Variants in NRXN1 observed in about 807,000 individuals in gnomAD.
The protein encoded by NRXN1 is neurexin-1.
Under a neutral mutation model 150.9 loss-of-function variants are expected in NRXN1, and 39 were observed. That is an observed-to-expected ratio of 0.26 (90% CI 0.20 to 0.34). The LOEUF (loss-of-function observed/expected upper bound fraction) is 0.34. NRXN1 is among the 10% of genes least tolerant of loss of function. The probability of loss-of-function intolerance (pLI) is 1.00; values close to 1 mark genes in which losing one functional copy is unlikely to be tolerated. For missense variants in NRXN1, 1,815 were observed against 1,949.9 expected, an observed-to-expected ratio of 0.93 and a Z score of 1.30; for synonymous variants, 924 against 757.0, an observed-to-expected ratio of 1.22 and a Z score of -3.62.
At position 50,497,375 on chromosome 2, in the gene NRXN1, C is replaced by T. The variant is rs201337797; in HGVS notation, c.2837G>A (p.Ser946Asn). 1 of 1,565,906 alleles carries T rather than the reference C, an allele frequency of 6.4e-7. No homozygotes were observed. Among genetic ancestry groups the T allele is most frequent in the African/African-American group, 1.4e-5 (1 of 74,006 alleles). Residue 946 changes from serine to asparagine, a missense_variant, in exon 14 of 23, where the codon AGT becomes AAT. By Grantham distance (46) the Ser-to-Asn change is conservative (BLOSUM62 1). Around this residue, in one of 6 missense-constraint regions of NRXN1, gnomAD observed 339 missense variants for 440.3 expected, o/e 0.77. Transcript: ENST00000401669. ...TSLDGLILYN[S>N]GDGNDFIVVE... ...CACAATAAAGTCATTTCCATCCCCA[C>T]TGTTATATAGAATTAATCCATCTAG... is the stretch of plus-strand genomic sequence containing the variant.
At chr2:50,921,806 T>A in intron 5 of NRXN1, 63 bp downstream of exon 5, 1 of 781,258 alleles carries the variant, frequency 1.3e-6, no homozygotes, top group South Asian at 3.7e-5. Context: ...AATACATTTA[T>A]GTAACTCAGA....
intron 18 of NRXN1, among the ~76,000 whole-genome samples, chr2:50,204,608 T>C (rs549435270): frequency 6.6e-6 from 1 of 152,190 alleles, no homozygotes; most frequent in Admixed American, 6.6e-5. Context: ...TTTAGTTGTG[T>C]GTTGTGTATA....
chr2:49,994,889 C>T (rs1231876851), intron 21 of NRXN1, among the ~76,000 whole-genome samples: 1 of 152,216 alleles, frequency 6.6e-6, no homozygotes, highest in Non-Finnish European at 1.5e-5. Context: ...GGAAAAATCA[C>T]TGAAGTGTGA....
chr2:50,878,758 A>T (rs1298589436), intron 5 of NRXN1, among the ~76,000 whole-genome samples: 1 of 151,938 alleles, frequency 6.6e-6, no homozygotes, highest in Non-Finnish European at 1.5e-5. Flanking sequence ...TTGGGGAAAA[A>T]GCTTATAATT....
intron 8 of NRXN1, among the ~76,000 whole-genome samples, chr2:50,598,001 T>C (rs1025982703): frequency 3.9e-5 from 6 of 152,020 alleles, no homozygotes; most frequent in African/African-American, 9.7e-5. Flanking sequence ...TACCCGGGCA[T>C]GGTGGCAGGC....
intron 5 of NRXN1, among the ~76,000 whole-genome samples, chr2:50,837,062 C>T (rs892981550): frequency 5.9e-5 from 9 of 152,056 alleles, no homozygotes; most frequent in African/African-American, 2.2e-4. Context: ...CTCAGTTAGA[C>T]TTTGCTCTTT....
intron 17 of NRXN1, among the ~76,000 whole-genome samples, chr2:50,412,427 G>T (rs963737530): frequency 1.3e-5 from 2 of 151,856 alleles, no homozygotes; most frequent in Non-Finnish European, 2.9e-5. Flanking sequence ...TTTATAAAGG[G>T]TTATATACCA....
At chr2:50,485,321 A>C (rs928369979) in intron 15 of NRXN1, among the ~76,000 whole-genome samples, 2 of 152,216 alleles carry the variant, frequency 1.3e-5, no homozygotes, top group Admixed American at 1.3e-4. Flanking sequence ...CATTAAGGAA[A>C]TAATAAAAAT....
intron 2 of NRXN1, among the ~76,000 whole-genome samples, chr2:51,018,185 A>G (rs573940936): frequency 1.3e-5 from 2 of 152,120 alleles, no homozygotes; most frequent in African/African-American, 2.4e-5. Flanking sequence ...CATTATGTCT[A>G]TAATTAAATG....
intron 5 of NRXN1, among the ~76,000 whole-genome samples, chr2:50,782,158 C>CTATAATTTGAGTGA (rs1704434584): frequency 6.6e-6 from 1 of 152,014 alleles, no homozygotes; most frequent in African/African-American, 2.4e-5. Flanking sequence ...AGGTTTCACT[C>CTATAATTTGAGTGA]AAATTATAGG....
chr2:50,981,364 A>C, intron 2 of NRXN1, among the ~76,000 whole-genome samples: 1 of 145,992 alleles, frequency 6.8e-6, no homozygotes, highest in South Asian at 2.3e-4. Context: ...AGGCTGAGGC[A>C]GGAGAGTTAC....
chr2:50,014,425 T>C (rs905670287), intron 21 of NRXN1, among the ~76,000 whole-genome samples: 1 of 152,152 alleles, frequency 6.6e-6, no homozygotes, highest in South Asian at 2.1e-4. Flanking sequence ...AGGCAATTCT[T>C]ACTTGTGGGG....
chr2:50,499,804 T>A (rs757962548), intron 13 of NRXN1, among the ~76,000 whole-genome samples: 1 of 151,802 alleles, frequency 6.6e-6, no homozygotes, highest in Non-Finnish European at 1.5e-5. Flanking sequence ...AAAAATTAAC[T>A]GGGCGTGGTG....
At chr2:50,999,367 A>G (rs2105069660) in intron 2 of NRXN1, among the ~76,000 whole-genome samples, 1 of 152,116 alleles carries the variant, frequency 6.6e-6, no homozygotes, top group Non-Finnish European at 1.5e-5. Context: ...CTCCAAGCTT[A>G]GTTTAGAAAG....
At chr2:50,933,259 T>C (rs1004689270) in intron 2 of NRXN1, among the ~76,000 whole-genome samples, 1 of 152,100 alleles carries the variant, frequency 6.6e-6, no homozygotes, top group African/African-American at 2.4e-5. Context: ...TTTTAAAACA[T>C]CTGAAACAAA....
At chr2:50,753,121 G>C (rs1251692158) in intron 5 of NRXN1, among the ~76,000 whole-genome samples, 2 of 151,720 alleles carry the variant, frequency 1.3e-5, no homozygotes, top group Non-Finnish European at 2.9e-5. Context: ...TGCTTAATGA[G>C]TTTACAGGTT....
chr2:50,224,737 G>T (rs999800972), intron 18 of NRXN1, among the ~76,000 whole-genome samples: 1 of 143,188 alleles, frequency 7.0e-6, no homozygotes, highest in African/African-American at 2.6e-5. Flanking sequence ...GAGAGAGAAT[G>T]GTTAAATTGC....
At chr2:50,605,631 GA>G (rs749525399) in intron 8 of NRXN1, among the ~76,000 whole-genome samples, 10 of 151,908 alleles carry the variant, frequency 6.6e-5, no homozygotes, top group Non-Finnish European at 1.3e-4. Context: ...AGACAAAAAA[GA>G]AAAAAACAAC....
intron 17 of NRXN1, among the ~76,000 whole-genome samples, chr2:50,423,292 C>T (rs933798659): frequency 3.3e-5 from 5 of 152,038 alleles, no homozygotes; most frequent in Admixed American, 1.3e-4. Flanking sequence ...GCATGAAAAA[C>T]CTATTTGTGA....
Sources: gnomAD v4.1 joint callset for allele counts (sites outside exome capture counted in the v4.1 genomes callset) on GRCh38, gnomAD v4.1.1 for gene constraint, gnomAD v4.1.1 regional missense constraint, MANE v1.5 for transcripts, NCBI Gene and HGNC (gene_info 2026-07-23, HGNC 2026-07-21) for gene names.